The following FGD5 variants were observed in gnomAD, a reference collection of about 807,000 sequenced individuals.
FGD5 encodes the protein FYVE, RhoGEF and PH domain-containing protein 5.
Under a neutral mutation model 133.4 loss-of-function variants are expected in FGD5, and 28 were observed. The observed-to-expected ratio is 0.21, with a 90% CI of 0.16 to 0.29. The LOEUF is 0.29. Ranked by LOEUF, FGD5 falls within the 10% of genes least tolerant of loss-of-function variation. The pLI is 1.00. For synonymous variants in FGD5, 810 were observed against 776.5 expected (o/e 1.04, Z -0.72); for missense variants, 1,858 against 1,895.2 (o/e 0.98, Z 0.36).
At chr3:14,903,400 T>C (rs2038280501) in intron 9 of FGD5, among the ~76,000 whole-genome samples, 1 of 151,974 alleles carries the variant, frequency 6.6e-6, no homozygotes. Flanking sequence ...ATGTGCACAA[T>C]GTGCAGGTTA....
At position 14,912,969 on chromosome 3, in the gene FGD5, G is replaced by C. The variant is rs112844390; in HGVS notation, c.3405+2040G>C. ...GAGAATTGCTTGAACCCAGGAGGTG[G>C]GGGTTGCAGTGAGCTCAGATTGCGC... On this transcript the variant is annotated intron_variant, in intron 11 of 19. Transcript: ENST00000285046. Among the ~76,000 whole-genome samples the C allele has an allele frequency of 7.9e-4, 120 of 152,216 alleles. 1 individual carries two copies. Among genetic ancestry groups the C allele is most frequent in the African/African-American group, 2.8e-3 (116 of 41,536 alleles).
chr3:14,812,421 C>G (rs1192883776), intron 1 of FGD5, among the ~76,000 whole-genome samples: 1 of 152,226 alleles, frequency 6.6e-6, no homozygotes, highest in Non-Finnish European at 1.5e-5. Flanking sequence ...TTCCAGTTTT[C>G]CCACGTTTTC....
At position 14,828,691 on chromosome 3, in the gene FGD5, A is replaced by G. The variant is rs915860167; in HGVS notation, c.2525+7095A>G. ...GAGTTTTTAGGCTGGCTGAGGAGAA[A>G]GATGGATAGAGAGGCAATTAGAGCC... On this transcript the variant is annotated intron_variant, in intron 1 of 19. Transcript: ENST00000285046. Among the ~76,000 whole-genome samples, 5 of 152,164 alleles carry G rather than the reference A, an allele frequency of 3.3e-5. No homozygotes were observed. In the East Asian group the frequency reaches 7.7e-4, roughly 23 times the overall value.
At chr3:14,846,012 C>A (rs184432895) in intron 1 of FGD5, among the ~76,000 whole-genome samples, 2 of 152,244 alleles carry the variant, frequency 1.3e-5, no homozygotes, top group Non-Finnish European at 2.9e-5. Flanking sequence ...CTCAAACTCA[C>A]CAAGCCCCGT....
chr3:14,925,230 T>G (rs976982526), intron 17 of FGD5, among the ~76,000 whole-genome samples: 25 of 151,004 alleles, frequency 1.7e-4, no homozygotes, highest in African/African-American at 5.6e-4. Flanking sequence ...CCCACTGCCA[T>G]CAAGTTTCTT....
Position 14,917,873 on chromosome 3 carries a change from A to G in FGD5, c.3489+541A>G, listed in dbSNP as rs1281973832. On this transcript the variant is annotated intron_variant, in intron 12 of 19. Transcript: ENST00000285046. This position sits in a 1 kb window ranked among gnomAD's most constrained non-coding sequence, Gnocchi z 4.1. The stretch of plus-strand genomic sequence containing the variant: ...CCTGGCACCTACCATTCTACTTTCT[A>G]TGTCCATGAATTTGACTACTATGGG... Among the ~76,000 whole-genome samples, 7 of 152,088 alleles carry G rather than the reference A, an allele frequency of 4.6e-5. No individual in the cohort carries two copies. Among genetic ancestry groups the G allele is most frequent in the African/African-American group, 9.7e-5 (4 of 41,396 alleles).
At chr3:14,856,962 G>A (rs924503942) in intron 1 of FGD5, among the ~76,000 whole-genome samples, 7 of 152,144 alleles carry the variant, frequency 4.6e-5, no homozygotes, top group African/African-American at 1.7e-4. Context: ...TTTTGCTCCA[G>A]TTCTTAGAGG....
chr3:14,897,924 C>T lies in FGD5; in HGVS notation c.2910-15C>T, dbSNP rs1189917896. 3 of 1,613,884 alleles carry T rather than the reference C, an allele frequency of 1.9e-6. No individual in the cohort carries two copies. Among genetic ancestry groups the T allele is most frequent in the Non-Finnish European group, 2.5e-6 (3 of 1,179,848 alleles). ...GGCTGAGTTCTCACTGTCCCATCCC[C>T]ATTCCTGGCTGCAGGGAGAGCCAGC... On this transcript the variant is annotated splice_polypyrimidine_tract_variant and intron_variant, in intron 5 of 19. Transcript: ENST00000285046.
chr3:14,918,934 T>C (rs1048639526), intron 13 of FGD5, 101 bp downstream of exon 13: 2 of 1,296,686 alleles, frequency 1.5e-6, no homozygotes, highest in Non-Finnish European at 2.2e-6. Flanking sequence ...TTTGGTATCC[T>C]TCTGGGTCAA....
intron 1 of FGD5, among the ~76,000 whole-genome samples, chr3:14,834,567 T>C (rs2036778177): frequency 6.6e-6 from 1 of 152,240 alleles, no homozygotes; most frequent in Non-Finnish European, 1.5e-5. Context: ...TTCTGAGGAA[T>C]GCAGTTTGAA....
At chr3:14,818,414 C>T (rs1349981738), upstream of FGD5, among the ~76,000 whole-genome samples, 1 of 152,196 alleles carries the variant, frequency 6.6e-6, no homozygotes, top group African/African-American at 2.4e-5. Context: ...CCCGGCTCTA[C>T]CCTCCAGTTG....
At chr3:14,858,735 G>T (rs2037338722) in intron 1 of FGD5, among the ~76,000 whole-genome samples, 1 of 152,194 alleles carries the variant, frequency 6.6e-6, no homozygotes, top group Admixed American at 6.5e-5. Context: ...TTGGCAGACT[G>T]GGGAGATAGA....
rs775529143 is a variant in FGD5 at position 14,928,835 on chromosome 3, CCTAT to C, written c.4197+2642_4197+2645del. On this transcript the variant is annotated intron_variant, in intron 18 of 19. Coordinates refer to ENST00000285046, the MANE Select transcript of FGD5 (RefSeq NM_152536.4). The stretch of plus-strand genomic sequence containing the variant: ...TTTCCTACATTTCTTTTATCAAGTA[CCTAT>C]CTATTCATCCTTCTATACCTTTTAC... Among the ~76,000 whole-genome samples, 4 of 152,266 alleles carry C rather than the reference CCTAT, an allele frequency of 2.6e-5. No homozygotes were observed. The South Asian group carries it at 8.3e-4, about 32-fold the overall frequency.
chr3:14,916,372 A>G (rs893831018), intron 11 of FGD5, among the ~76,000 whole-genome samples: 1 of 152,208 alleles, frequency 6.6e-6, no homozygotes, highest in Non-Finnish European at 1.5e-5. Context: ...CTAAGGAGAT[A>G]AAGTGACTTT....
At chr3:14,885,594 C>T (rs1232752270) in intron 4 of FGD5, among the ~76,000 whole-genome samples, 1 of 152,214 alleles carries the variant, frequency 6.6e-6, no homozygotes, top group Non-Finnish European at 1.5e-5. Flanking sequence ...GAGACTTAAG[C>T]TGGGAGGTTG....
rs1385743046 is a variant in FGD5 at position 14,933,196 on chromosome 3, A to G, written c.*29A>G. On this transcript the variant is annotated 3_prime_UTR_variant, in exon 20 of 20. Coordinates refer to ENST00000285046, the MANE Select transcript of FGD5 (RefSeq NM_152536.4). ...TTATCAAGCATGTGGACTTGTAACAAATTCTTAGGTCAATATGTGAATGCT... is the reference window on the plus strand; with the variant it reads ...TTATCAAGCATGTGGACTTGTAACAGATTCTTAGGTCAATATGTGAATGCT... 1.2e-6 allele frequency: 2 copies of G among 1,610,636 alleles called. No individual in the cohort carries two copies. Among genetic ancestry groups the G allele is most frequent in the East Asian group, 2.2e-5 (1 of 44,846 alleles).
At chr3:14,846,847 TA>T (rs1575205131) in intron 1 of FGD5, among the ~76,000 whole-genome samples, 1 of 152,178 alleles carries the variant, frequency 6.6e-6, no homozygotes, top group African/African-American at 2.4e-5. Flanking sequence ...CATGATGAAA[TA>T]TGTGGAGGTG....
intron 1 of FGD5, among the ~76,000 whole-genome samples, chr3:14,823,567 A>G (rs1466432733): frequency 6.6e-6 from 1 of 152,238 alleles, no homozygotes; most frequent in African/African-American, 2.4e-5. Context: ...AAGTCCTGTT[A>G]CAGAAGAGGA....
intron 8 of FGD5, 77 bp downstream of exon 8, chr3:14,900,530 A>T: frequency 6.5e-7 from 1 of 1,527,798 alleles, no homozygotes; most frequent in Non-Finnish European, 8.9e-7. Context: ...ACCCTGCCCC[A>T]ATTCCAAGGC....
Sources: allele counts gnomAD v4.1 joint callset (sites outside exome capture counted in the v4.1 genomes callset), GRCh38; gene constraint gnomAD v4.1.1; non-coding constraint Gnocchi (gnomAD v3.1); transcripts MANE v1.5; gene names NCBI Gene and HGNC (gene_info 2026-07-23, HGNC 2026-07-21).